Variants in PTCHD4 observed in about 807,000 individuals in gnomAD.
PTCHD4 encodes patched domain containing 4, also known as patched domain-containing protein 4.
A neutral mutation model predicts 58.1 loss-of-function variants in PTCHD4; 33 were observed. The ratio of observed to expected loss-of-function variants is 0.57; its 90% CI spans 0.43 to 0.76. The LOEUF is 0.76. Ranked by LOEUF, PTCHD4 falls within the 30% of genes least tolerant of loss-of-function variation. PTCHD4 has a pLI of 0.00. For synonymous variants in PTCHD4, 478 were observed against 409.6 expected, an observed-to-expected ratio of 1.17 and a Z score of -2.02; for missense variants, 1,058 against 1,027.1, an observed-to-expected ratio of 1.03 and a Z score of -0.41.
intron 4 of PTCHD4, among the ~76,000 whole-genome samples, chr6:47,886,835 C>T (rs1764207755): frequency 6.6e-6 from 1 of 152,198 alleles, no homozygotes; most frequent in Non-Finnish European, 1.5e-5. Context: ...AATCTCACCA[C>T]TCGAACATGC....
intron 4 of PTCHD4, among the ~76,000 whole-genome samples, chr6:47,909,408 C>T (rs925019624): frequency 1.3e-5 from 2 of 151,990 alleles, no homozygotes; most frequent in Non-Finnish European, 2.9e-5. Flanking sequence ...AGTAAGCATG[C>T]AATGCATATT....
chr6:47,940,377 A>G (rs1211376329), intron 4 of PTCHD4, among the ~76,000 whole-genome samples: 1 of 152,136 alleles, frequency 6.6e-6, no homozygotes, highest in Non-Finnish European at 1.5e-5. Context: ...TGTCACCCAT[A>G]TATTTCACCT....
At chr6:47,954,556 C>G (rs765047919) in intron 4 of PTCHD4, among the ~76,000 whole-genome samples, 1 of 152,144 alleles carries the variant, frequency 6.6e-6, no homozygotes, top group Non-Finnish European at 1.5e-5. Flanking sequence ...TGGACATGAA[C>G]ATGAAGTACA....
chr6:48,003,647 T>A lies in PTCHD4; in HGVS notation c.898+4987A>T, dbSNP rs1311247767. On this transcript the variant is annotated intron_variant, in intron 4 of 4. Coordinates refer to ENST00000339488, the MANE Select transcript of PTCHD4 (RefSeq NM_001384253.1). ...AATTTATGTAATGTAGACAAAAATA[T>A]CTTTATAAAGTATGTCAGACCACAC... Among the ~76,000 whole-genome samples, 6 of 152,314 alleles carry A rather than the reference T, an allele frequency of 3.9e-5. No homozygotes were observed. The East Asian group carries it at 7.7e-4, about 20-fold the overall frequency.
chr6:47,963,173 A>G (rs1474411871), intron 4 of PTCHD4, among the ~76,000 whole-genome samples: 2 of 152,050 alleles, frequency 1.3e-5, no homozygotes, highest in African/African-American at 2.4e-5. Context: ...GAAAAAAAGA[A>G]AAATAGGAAT....
intron 4 of PTCHD4, among the ~76,000 whole-genome samples, chr6:48,001,274 A>G (rs1415525694): frequency 6.6e-6 from 1 of 152,224 alleles, no homozygotes; most frequent in Non-Finnish European, 1.5e-5. Context: ...TTCATATGGA[A>G]CCAAAAAAGA....
intron 1 of PTCHD4, among the ~76,000 whole-genome samples, chr6:48,074,460 T>A (rs1318425690): frequency 2.0e-5 from 3 of 152,182 alleles, no homozygotes; most frequent in East Asian, 3.9e-4. Flanking sequence ...AGCAATTGTG[T>A]CTTGTAAGAG....
chr6:47,957,305 A>C (rs951630642), intron 4 of PTCHD4, among the ~76,000 whole-genome samples: 23 of 148,722 alleles, frequency 1.5e-4, no homozygotes, highest in African/African-American at 5.4e-4. Context: ...AAGATTGTAC[A>C]GAATACAAAT....
At position 47,990,868 on chromosome 6, in the gene PTCHD4, T is replaced by C. The variant is rs560798146; in HGVS notation, c.898+17766A>G. On this transcript the variant is annotated intron_variant, in intron 4 of 4. Coordinates refer to ENST00000339488, the MANE Select transcript of PTCHD4 (RefSeq NM_001384253.1). ...AAATCCATTAATGAATATTTTAAAA[T>C]TTAATGAATATGTTTAGCTACATAT... Among the ~76,000 whole-genome samples, 3 of 152,314 alleles carry C rather than the reference T, an allele frequency of 2.0e-5. No individual in the cohort carries two copies. In the East Asian group the frequency reaches 5.8e-4, roughly 29 times the overall value.
rs537610066 is a variant in PTCHD4, at chr6:47,876,977, A to G, written c.*1326T>C. The stretch of plus-strand genomic sequence containing the variant: ...AACCGAGGAGCACTTTCCAGGTAAC[A>G]AGAGCAACACTATTGTGAGAAGCTA... On this transcript the variant is annotated 3_prime_UTR_variant, in exon 5 of 5. Transcript: ENST00000339488. Among the ~76,000 whole-genome samples, 1 of 152,184 alleles carries G rather than the reference A, an allele frequency of 6.6e-6. No homozygotes were observed. The highest frequency in any genetic ancestry group is 2.1e-4 in the South Asian group (1 of 4,832).
intron 1 of PTCHD4, among the ~76,000 whole-genome samples, chr6:48,104,519 A>G (rs1049147283): frequency 6.6e-6 from 1 of 152,190 alleles, no homozygotes. Context: ...AAAGACCATC[A>G]AGGCTAGGAA....
At position 47,865,399 on chromosome 6, in the gene PTCHD4, A is replaced by G. The variant is rs1003685800; in HGVS notation, c.*12904T>C. Among the ~76,000 whole-genome samples the G allele has an allele frequency of 6.6e-6, 1 of 151,918 alleles. No homozygotes were observed. The highest frequency in any genetic ancestry group is 1.5e-5 in the Non-Finnish European group (1 of 67,896). On this transcript the variant is annotated 3_prime_UTR_variant, in exon 5 of 5. Transcript: ENST00000339488. ...CTGAAAATTTGTGGTAAAGCTTTAC[A>G]AATGTTATAAAAATGGGCCACGCTG... is the stretch of plus-strand genomic sequence containing the variant.
rs1209713029 is a variant in PTCHD4, at chr6:48,016,331, T to C, written c.418-7217A>G. Among the ~76,000 whole-genome samples, 26 of 152,020 alleles carry C rather than the reference T, an allele frequency of 1.7e-4. 1 individual carries two copies. The highest frequency in any genetic ancestry group is 1.7e-3 in the Admixed American group (26 of 15,262). ...GGAGTTGGACTTAATTATCCTTCAA[T>C]ACAAATCCATTGATGAGTTTTAAGC... On this transcript the variant is annotated intron_variant, in intron 3 of 4. Transcript: ENST00000339488.
At chr6:48,038,375 C>T (rs1763721387) in intron 3 of PTCHD4, among the ~76,000 whole-genome samples, 1 of 152,044 alleles carries the variant, frequency 6.6e-6, no homozygotes, top group African/African-American at 2.4e-5. Context: ...CATGTGGCAG[C>T]TCATGCCTGT....
chr6:48,023,164 C>G (rs1763125152), intron 3 of PTCHD4, among the ~76,000 whole-genome samples: 1 of 152,086 alleles, frequency 6.6e-6, no homozygotes, highest in Non-Finnish European at 1.5e-5. Flanking sequence ...TGGATGACTT[C>G]TTTACGTGTG....
At chr6:48,072,062 G>A (rs533745935) in intron 1 of PTCHD4, among the ~76,000 whole-genome samples, 1 of 152,084 alleles carries the variant, frequency 6.6e-6, no homozygotes, top group African/African-American at 2.4e-5. Context: ...GCATTTTTCA[G>A]GTTTCTCCAC....
chr6:47,958,302 A>G (rs1047419970), intron 4 of PTCHD4, among the ~76,000 whole-genome samples: 16 of 152,226 alleles, frequency 1.1e-4, no homozygotes, highest in African/African-American at 3.9e-4. Context: ...ATTCTTCTGC[A>G]CACCTGAAAC....
intron 1 of PTCHD4, among the ~76,000 whole-genome samples, chr6:48,109,781 C>CT (rs766349693): frequency 9.2e-5 from 14 of 152,096 alleles, no homozygotes; most frequent in African/African-American, 3.1e-4. Flanking sequence ...CCTGCATAGG[C>CT]TTTTTTTCCA....
Position 48,094,508 on chromosome 6 carries a change from T to C in PTCHD4, c.-970+16541A>G, listed in dbSNP as rs562588323. Among the ~76,000 whole-genome samples the C allele has an allele frequency of 3.3e-5, 5 of 152,322 alleles. No individual in the cohort carries two copies. The South Asian group carries it at 8.3e-4, about 25-fold the overall frequency. On this transcript the variant is annotated intron_variant, in intron 1 of 4. Coordinates refer to ENST00000339488, the MANE Select transcript of PTCHD4 (RefSeq NM_001384253.1). ...AAAGGCCCCACTGAATGCTGTGTAA[T>C]ACAATCAACTGAGAGCAGCACTGAC...
Sources: gnomAD v4.1 joint callset for allele counts (sites outside exome capture counted in the v4.1 genomes callset) on GRCh38, gnomAD v4.1.1 for gene constraint, MANE v1.5 for transcripts, NCBI Gene and HGNC (gene_info 2026-07-23, HGNC 2026-07-21) for gene names.